TPRG1: variants seen among roughly 807,000 people sequenced by gnomAD.
TPRG1 encodes the protein tumor protein p63-regulated gene 1 protein.
TPRG1 carries 29 observed loss-of-function variants against 29.3 expected under a neutral mutation model. That is an observed-to-expected ratio of 0.99 (90% CI 0.74 to 1.35). TPRG1 has a LOEUF of 1.35. Ranked by LOEUF, TPRG1 falls within the 40% of genes most tolerant of loss-of-function variation. TPRG1 has a pLI of 0.00. For missense variants in TPRG1, 327 were observed against 335.0 expected (o/e 0.98, Z 0.19); for synonymous variants, 130 against 116.8 (o/e 1.11, Z -0.73).
intron 4 of TPRG1, among the ~76,000 whole-genome samples, chr3:189,072,224 C>T (rs55734935): frequency 0.16 from 25,058 of 152,060 alleles, 3,885 homozygotes; most frequent in African/African-American, 0.41. Flanking sequence ...TAACATTTGA[C>T]CTACAGATCA....
At chr3:189,228,019 G>A (rs910643194) in intron 3 of TPRG1, among the ~76,000 whole-genome samples, 6 of 152,128 alleles carry the variant, frequency 3.9e-5, no homozygotes, top group Admixed American at 2.0e-4. Context: ...TACTCGGGAG[G>A]CTGAGGCAGA....
intron 2 of TPRG1, among the ~76,000 whole-genome samples, chr3:189,210,644 C>T (rs1735119948): frequency 1.3e-5 from 2 of 152,330 alleles, no homozygotes; most frequent in South Asian, 4.1e-4. Context: ...CTGATGCTCT[C>T]TGTCCTGAGA....
At chr3:189,095,818 C>A (rs1718636842), upstream of TPRG1, among the ~76,000 whole-genome samples, 1 of 152,188 alleles carries the variant, frequency 6.6e-6, no homozygotes, top group South Asian at 2.1e-4. Context: ...CTTATTCATT[C>A]TTCAGTATCC....
chr3:189,010,601 T>G (rs1383589278), intron 3 of TPRG1, among the ~76,000 whole-genome samples: 1 of 152,234 alleles, frequency 6.6e-6, no homozygotes, highest in African/African-American at 2.4e-5. Flanking sequence ...TGTCTCTTCA[T>G]GCCTTTTGCC....
intron 4 of TPRG1, among the ~76,000 whole-genome samples, chr3:189,058,635 AAATTG>A (rs1440525156): frequency 6.6e-6 from 1 of 152,230 alleles, no homozygotes; most frequent in East Asian, 1.9e-4. Flanking sequence ...ATGCATCATG[AAATTG>A]TTTTAAGAAA....
chr3:189,016,698 C>G (rs1477754624), intron 3 of TPRG1, among the ~76,000 whole-genome samples: 1 of 152,030 alleles, frequency 6.6e-6, no homozygotes, highest in Admixed American at 6.6e-5. Context: ...TGAGTGAGTT[C>G]TCATGAGATC....
rs1724629382 is a variant in TPRG1 at position 189,325,283 on chromosome 3, C to T, written c.*4463C>T. 1 of 150,750 alleles carries T rather than the reference C, an allele frequency of 6.6e-6. No homozygotes were observed. Among genetic ancestry groups the T allele is most frequent in the African/African-American group, 2.4e-5 (1 of 40,890 alleles). 9.3% of individuals were successfully genotyped at this position (150,750 alleles called of 1,614,324 possible). On this transcript the variant is annotated 3_prime_UTR_variant, in exon 6 of 6. Transcript: ENST00000345063. ...CAATGTGAAATATAAGGAATAAAGT[C>T]ATGAGACTGCTTCTCAACCTAGACC...
At chr3:189,249,025 T>C (rs899241860) in intron 4 of TPRG1, among the ~76,000 whole-genome samples, 7 of 151,492 alleles carry the variant, frequency 4.6e-5, no homozygotes, top group Non-Finnish European at 1.0e-4. Context: ...GTATATCATA[T>C]ATATAGAGTT....
chr3:189,304,487 G>A (rs2109283627), intron 4 of TPRG1, among the ~76,000 whole-genome samples: 1 of 152,236 alleles, frequency 6.6e-6, no homozygotes, highest in African/African-American at 2.4e-5. Context: ...ATCTCACTGA[G>A]CTAAAGGCCC....
At chr3:189,109,906 A>G (rs1321473863) in intron 1 of TPRG1, among the ~76,000 whole-genome samples, 2 of 152,196 alleles carry the variant, frequency 1.3e-5, no homozygotes, top group African/African-American at 2.4e-5. Context: ...ATTGAATCAT[A>G]AACTATTAAG....
At chr3:189,162,488 C>T (rs776645696) in intron 5 of TPRG1, among the ~76,000 whole-genome samples, 3 of 152,116 alleles carry the variant, frequency 2.0e-5, no homozygotes, top group Non-Finnish European at 4.4e-5. Flanking sequence ...AATAAGGAAA[C>T]ATTGAAAGCT....
At chr3:189,118,165 G>A (rs1721400878) in intron 1 of TPRG1, among the ~76,000 whole-genome samples, 1 of 152,170 alleles carries the variant, frequency 6.6e-6, no homozygotes, top group South Asian at 2.1e-4. Flanking sequence ...AGTCTAGGCT[G>A]AGGTGGCCTC....
At chr3:189,245,698 T>C (rs1463193199) in intron 4 of TPRG1, among the ~76,000 whole-genome samples, 1 of 152,170 alleles carries the variant, frequency 6.6e-6, no homozygotes, top group African/African-American at 2.4e-5. Context: ...TGTTTGATAA[T>C]GCTATTTAGA....
intron 4 of TPRG1, among the ~76,000 whole-genome samples, chr3:189,067,342 A>C (rs1457198323): frequency 2.0e-5 from 3 of 152,230 alleles, no homozygotes; most frequent in Non-Finnish European, 4.4e-5. Context: ...ATGGAACCAC[A>C]AAATGCCCAG....
At chr3:189,063,555 A>G (rs1198812281) in intron 4 of TPRG1, among the ~76,000 whole-genome samples, 1 of 152,172 alleles carries the variant, frequency 6.6e-6, no homozygotes. Context: ...CTGAAATCAT[A>G]CAGTGTGTTT....
At chr3:189,219,939 C>T (rs1736697541) in intron 3 of TPRG1, 2 of 197,722 alleles carry the variant, frequency 1.0e-5, no homozygotes, top group Non-Finnish European at 1.8e-5. Flanking sequence ...ATCGGACTGT[C>T]CATGTGGAAC....
intron 4 of TPRG1, among the ~76,000 whole-genome samples, chr3:189,051,551 A>C (rs1033618162): frequency 1.3e-5 from 2 of 152,152 alleles, no homozygotes; most frequent in Admixed American, 1.3e-4. Flanking sequence ...AGCAATCCTC[A>C]TCAGAATACC....
chr3:189,172,369 A>G (rs1010610383), intron 1 of TPRG1, among the ~76,000 whole-genome samples: 1 of 152,090 alleles, frequency 6.6e-6, no homozygotes, highest in African/African-American at 2.4e-5. Context: ...ATACTTATCT[A>G]TATATTGATT....
chr3:189,258,172 C>G (rs917226354), intron 4 of TPRG1, among the ~76,000 whole-genome samples: 2 of 151,698 alleles, frequency 1.3e-5, no homozygotes, highest in African/African-American at 4.8e-5. Context: ...TGGTGACCTT[C>G]AGATGGAGTT....
Sources: gnomAD v4.1 joint callset for allele counts (sites outside exome capture counted in the v4.1 genomes callset) on GRCh38, gnomAD v4.1.1 for gene constraint, MANE v1.5 for transcripts, NCBI Gene and HGNC (gene_info 2026-07-23, HGNC 2026-07-21) for gene names.